ERBB4: variants seen among roughly 807,000 people sequenced by gnomAD.
ERBB4 encodes erb-b2 receptor tyrosine kinase 4, also known as receptor tyrosine-protein kinase erbB-4.
A neutral mutation model predicts 158.0 loss-of-function variants in ERBB4; 42 were observed. That is an observed-to-expected ratio of 0.27 (90% confidence interval 0.21 to 0.34). The LOEUF (loss-of-function observed/expected upper bound fraction) is 0.34. Ranked by LOEUF, ERBB4 falls within the 10% of genes least tolerant of loss-of-function variation. The pLI is 1.00. For synonymous variants in ERBB4, 583 were observed against 558.7 expected, an observed-to-expected ratio of 1.04 and a Z score of -0.61; for missense variants, 1,333 against 1,624.1, an observed-to-expected ratio of 0.82 and a Z score of 3.08.
chr2:212,134,571 T>C lies in ERBB4; in HGVS notation c.83-9668A>G, dbSNP rs79873748. Among the ~76,000 whole-genome samples the C allele has an allele frequency of 1.2e-3, 189 of 151,688 alleles. 1 individual carries two copies. Among genetic ancestry groups the C allele is most frequent in the African/African-American group, 3.9e-3 (163 of 41,382 alleles). On this transcript the variant is annotated intron_variant, in intron 1 of 27. Transcript: ENST00000342788. Reference sequence around the variant, plus strand: ...TTCAGTGTAAAAATTGGTATCCTTTTAAAAAAAATCCTATTATGTATTATC... The same window carrying C: ...TTCAGTGTAAAAATTGGTATCCTTTCAAAAAAAATCCTATTATGTATTATC...
At chr2:212,191,861 T>C (rs2082248054) in intron 1 of ERBB4, among the ~76,000 whole-genome samples, 1 of 81,462 alleles carries the variant, frequency 1.2e-5, no homozygotes, top group South Asian at 4.8e-4. Flanking sequence ...ATATGTTCTA[T>C]ATATTATATA....
chr2:212,144,694 A>G (rs1054852388), intron 1 of ERBB4, among the ~76,000 whole-genome samples: 1 of 152,184 alleles, frequency 6.6e-6, no homozygotes, highest in Non-Finnish European at 1.5e-5. Flanking sequence ...TCTCCATTAG[A>G]TGATAAACCA....
intron 19 of ERBB4, among the ~76,000 whole-genome samples, chr2:211,589,819 TTA>T (rs1380380909): frequency 1.3e-5 from 2 of 152,186 alleles, no homozygotes; most frequent in African/African-American, 4.8e-5. Flanking sequence ...AATGTTCATT[TTA>T]TGTTTAGCAT....
chr2:212,349,287 T>TCACA (rs3040350), intron 1 of ERBB4, among the ~76,000 whole-genome samples: 3,664 of 146,414 alleles, frequency 0.025, 83 homozygotes, highest in African/African-American at 0.056. Context: ...AACTTCTTAA[T>TCACA]CACACACACA....
At chr2:211,984,833 C>T (rs2081896448) in intron 2 of ERBB4, among the ~76,000 whole-genome samples, 1 of 152,074 alleles carries the variant, frequency 6.6e-6, no homozygotes, top group Non-Finnish European at 1.5e-5. Flanking sequence ...AGCAATTCTC[C>T]TGTCTCAGCC....
chr2:211,870,651 A>G (rs943896868), intron 3 of ERBB4, among the ~76,000 whole-genome samples: 3 of 152,152 alleles, frequency 2.0e-5, no homozygotes, highest in African/African-American at 4.8e-5. Context: ...GTGCATGTGA[A>G]GCACACAAAT....
At chr2:211,609,662 C>T (rs945709622) in intron 19 of ERBB4, among the ~76,000 whole-genome samples, 26 of 152,320 alleles carry the variant, frequency 1.7e-4, no homozygotes, top group African/African-American at 5.3e-4. Flanking sequence ...CTCACCTCAG[C>T]CTCCCACAGT....
At chr2:211,926,697 T>C (rs1217474379) in intron 3 of ERBB4, among the ~76,000 whole-genome samples, 2 of 152,140 alleles carry the variant, frequency 1.3e-5, no homozygotes, top group Non-Finnish European at 2.9e-5. Flanking sequence ...TTAGATCATC[T>C]CTATCTATAC....
intron 4 of ERBB4, among the ~76,000 whole-genome samples, chr2:211,752,818 A>C (rs572571867): frequency 1.3e-5 from 2 of 152,064 alleles, no homozygotes; most frequent in Admixed American, 6.5e-5. Flanking sequence ...CACACACACA[A>C]AAAACAAGTT....
intron 1 of ERBB4, among the ~76,000 whole-genome samples, chr2:212,471,962 A>G (rs1254771722): frequency 6.6e-6 from 1 of 151,856 alleles, no homozygotes; most frequent in Non-Finnish European, 1.5e-5. Flanking sequence ...CAAGTACTTG[A>G]AACTCTCTCA....
At chr2:211,700,915 T>A (rs1437987801) in intron 12 of ERBB4, among the ~76,000 whole-genome samples, 1 of 152,172 alleles carries the variant, frequency 6.6e-6, no homozygotes, top group Non-Finnish European at 1.5e-5. Flanking sequence ...TTTTATTCAG[T>A]ATTTACCATA....
rs201059849 is a variant in ERBB4, at chr2:212,315,670, G to T, written c.83-190767C>A. ...CTGGGTAGAAAGCACAGTTGCTTTGGTTTTTTACATGGTCTGTGTCACTTC... is the reference window on the plus strand; with the variant it reads ...CTGGGTAGAAAGCACAGTTGCTTTGTTTTTTTACATGGTCTGTGTCACTTC... On this transcript the variant is annotated intron_variant, in intron 1 of 27. Transcript: ENST00000342788. Among the ~76,000 whole-genome samples the T allele has an allele frequency of 4.0e-5, 6 of 151,222 alleles. No homozygotes were observed. In the East Asian group the frequency reaches 1.2e-3, roughly 30 times the overall value.
intron 19 of ERBB4, among the ~76,000 whole-genome samples, chr2:211,609,196 C>A (rs2069098423): frequency 6.6e-6 from 1 of 152,100 alleles, no homozygotes; most frequent in African/African-American, 2.4e-5. Flanking sequence ...CAAATGAGAA[C>A]CCCTTTTCCT....
rs117368040 is a variant in ERBB4, at chr2:212,053,028, C to A, written c.234+71724G>T. Among the ~76,000 whole-genome samples the A allele has an allele frequency of 5.4e-3, 817 of 152,194 alleles. 27 individuals carry two copies. In the East Asian group the frequency reaches 0.091, roughly 17 times the overall value. On this transcript the variant is annotated intron_variant, in intron 2 of 27. Coordinates refer to ENST00000342788, the MANE Select transcript of ERBB4 (RefSeq NM_005235.3). ...CATAACAACTATAGCTTTTCTCCAA[C>A]AGTATACAGGCCAGGTGTGGTGGCT... is the stretch of plus-strand genomic sequence containing the variant.
chr2:211,933,365 A>T (rs921622696), intron 3 of ERBB4, among the ~76,000 whole-genome samples: 5 of 152,074 alleles, frequency 3.3e-5, no homozygotes, highest in Admixed American at 2.0e-4. Flanking sequence ...ATCTATAGGT[A>T]TGTTAAGTAC....
At chr2:212,148,057 C>A (rs2080741368) in intron 1 of ERBB4, among the ~76,000 whole-genome samples, 1 of 151,758 alleles carries the variant, frequency 6.6e-6, no homozygotes, top group Non-Finnish European at 1.5e-5. Flanking sequence ...TATTAATGAA[C>A]AATATGTTAT....
chr2:212,116,077 G>C (rs2079563158), intron 2 of ERBB4, among the ~76,000 whole-genome samples: 1 of 151,804 alleles, frequency 6.6e-6, no homozygotes, highest in Non-Finnish European at 1.5e-5. Context: ...TCATTATTTA[G>C]TAGGTTATAC....
At chr2:211,897,773 T>C (rs1284333368) in intron 3 of ERBB4, among the ~76,000 whole-genome samples, 5 of 152,070 alleles carry the variant, frequency 3.3e-5, no homozygotes, top group African/African-American at 1.2e-4. Flanking sequence ...AGACAGGGTG[T>C]CATTCTGTCA....
chr2:212,217,046 A>C (rs2083122253), intron 1 of ERBB4, among the ~76,000 whole-genome samples: 1 of 151,480 alleles, frequency 6.6e-6, no homozygotes, highest in Non-Finnish European at 1.5e-5. Context: ...TGAGCACACA[A>C]TAAAGAGAAA....
Sources: gnomAD v4.1 joint callset for allele counts (sites outside exome capture counted in the v4.1 genomes callset) on GRCh38, gnomAD v4.1.1 for gene constraint, MANE v1.5 for transcripts, NCBI Gene and HGNC (gene_info 2026-07-23, HGNC 2026-07-21) for gene names.